CNTN3: variants seen among roughly 807,000 people sequenced by gnomAD.
CNTN3 encodes the protein contactin-3.
A neutral mutation model predicts 119.1 loss-of-function variants in CNTN3; 60 were observed. That is an observed-to-expected ratio of 0.50 (90% CI 0.41 to 0.62). CNTN3 has a LOEUF of 0.62. Among genes scored for constraint, CNTN3 ranks in the 20% least tolerant of loss-of-function variants. CNTN3 has a pLI of 0.00. For missense variants in CNTN3, 1,101 were observed against 1,242.4 expected (o/e 0.89, Z 1.71); for synonymous variants, 450 against 438.7 (o/e 1.03, Z -0.32).
At chr3:74,294,050 A>T (rs1230140779) in intron 19 of CNTN3, among the ~76,000 whole-genome samples, 5 of 152,178 alleles carry the variant, frequency 3.3e-5, no homozygotes, top group Admixed American at 1.3e-4. Context: ...ACCACCCTGG[A>T]ACCCTCATTT....
At chr3:74,587,788 C>A (rs1470715645) in intron 1 of CNTN3, among the ~76,000 whole-genome samples, 1 of 152,120 alleles carries the variant, frequency 6.6e-6, no homozygotes, top group Non-Finnish European at 1.5e-5. Context: ...CCCCTTATTT[C>A]CTTCTCCTGC....
intron 1 of CNTN3, among the ~76,000 whole-genome samples, chr3:74,530,062 A>T (rs1443831833): frequency 4.6e-5 from 7 of 152,010 alleles, no homozygotes; most frequent in Non-Finnish European, 7.4e-5. Flanking sequence ...TTGGGGAAAA[A>T]CTCAAATTCA....
chr3:74,416,079 A>G (rs115495688), intron 5 of CNTN3, among the ~76,000 whole-genome samples: 2,465 of 152,132 alleles, frequency 0.016, 67 homozygotes, highest in African/African-American at 0.057. Flanking sequence ...TTCCTCCTCA[A>G]CCACAGATAA....
intron 4 of CNTN3, among the ~76,000 whole-genome samples, chr3:74,431,196 C>A (rs1445609033): frequency 6.6e-6 from 1 of 152,138 alleles, no homozygotes; most frequent in Non-Finnish European, 1.5e-5. Flanking sequence ...TCTTCCCATG[C>A]AGTAGCAAGG....
At chr3:74,432,742 T>C (rs1701804982) in intron 4 of CNTN3, among the ~76,000 whole-genome samples, 2 of 152,192 alleles carry the variant, frequency 1.3e-5, no homozygotes, top group African/African-American at 4.8e-5. Flanking sequence ...CAAAACTCAA[T>C]CATTATTTTC....
rs140948998 is a variant in CNTN3, at chr3:74,305,171, A to G, written c.1669-2364T>C. 2.6e-5 allele frequency among the ~76,000 whole-genome samples: 4 copies of G among 152,342 alleles called. No homozygotes were observed. In the East Asian group the frequency reaches 7.7e-4, roughly 29 times the overall value. On this transcript the variant is annotated intron_variant, in intron 13 of 22. Transcript: ENST00000263665. ...ACATGTGAAACAAGTTATGTTTACA[A>G]ATTTAGAAAGTGTAATCCACAAAGG...
At chr3:74,269,760 C>G (rs937880222) in intron 20 of CNTN3, among the ~76,000 whole-genome samples, 1 of 152,026 alleles carries the variant, frequency 6.6e-6, no homozygotes, top group African/African-American at 2.4e-5. Flanking sequence ...AAGCCAGACA[C>G]CCAAAGACAA....
chr3:74,280,333 T>C (rs1245527167), intron 20 of CNTN3, among the ~76,000 whole-genome samples: 2 of 152,194 alleles, frequency 1.3e-5, no homozygotes, highest in East Asian at 3.8e-4. Flanking sequence ...TCCCCAAGTA[T>C]ACTCACACAT....
At chr3:74,391,745 C>A (rs1444833762) in intron 5 of CNTN3, among the ~76,000 whole-genome samples, 1 of 151,902 alleles carries the variant, frequency 6.6e-6, no homozygotes, top group Admixed American at 6.6e-5. Context: ...ATAACCTCCA[C>A]CTCCGGGGCT....
At chr3:74,384,081 G>A (rs1474484735) in intron 5 of CNTN3, among the ~76,000 whole-genome samples, 1 of 152,100 alleles carries the variant, frequency 6.6e-6, no homozygotes, top group Non-Finnish European at 1.5e-5. Context: ...AAATATGATG[G>A]TTCTATTTAC....
intron 13 of CNTN3, among the ~76,000 whole-genome samples, chr3:74,332,612 T>G (rs909469560): frequency 6.6e-6 from 1 of 152,236 alleles, no homozygotes; most frequent in South Asian, 2.1e-4. Context: ...TCTTAGTGTT[T>G]CTTTGTAACT....
In CNTN3 at chr3:74,378,006, A is replaced by T. The variant is rs184873695; in HGVS notation, c.455-6607T>A. Among the ~76,000 whole-genome samples, 366 of 152,350 alleles carry T rather than the reference A, an allele frequency of 2.4e-3. 1 individual carries two copies. The highest frequency in any genetic ancestry group is 3.8e-3 in the Non-Finnish European group (260 of 68,016). ...AATTCTGTCAAACAAAATTGCAGTT[A>T]GGCAAAATTTAAAAGTAACTTGGGC... is the stretch of plus-strand genomic sequence containing the variant. On this transcript the variant is annotated intron_variant, in intron 5 of 22. Coordinates refer to ENST00000263665, the MANE Select transcript of CNTN3 (RefSeq NM_020872.3).
chr3:74,352,159 T>G (rs929361373), intron 11 of CNTN3, among the ~76,000 whole-genome samples: 6 of 152,184 alleles, frequency 3.9e-5, no homozygotes, highest in African/African-American at 1.4e-4. Context: ...CTGACACAAC[T>G]GGAATAAAAG....
chr3:74,605,346 A>T lies in CNTN3; in HGVS notation c.-81+9045T>A, dbSNP rs76367932. Among the ~76,000 whole-genome samples, 51 of 152,312 alleles carry T rather than the reference A, an allele frequency of 3.3e-4. No homozygotes were observed. The East Asian group carries it at 9.3e-3, about 28-fold the overall frequency. On this transcript the variant is annotated intron_variant, in intron 1 of 22. Transcript: ENST00000263665. ...TATAATATGTTATTTAGCTCAATTT[A>T]TTCATTCTACAATGTGTACATATTT...
At chr3:74,563,679 T>C (rs1337153588) in intron 1 of CNTN3, among the ~76,000 whole-genome samples, 1 of 152,070 alleles carries the variant, frequency 6.6e-6, no homozygotes. Context: ...ACCCCAGATT[T>C]TGAATGGGAA....
At chr3:74,487,773 G>A (rs1232909934) in intron 3 of CNTN3, among the ~76,000 whole-genome samples, 1 of 151,854 alleles carries the variant, frequency 6.6e-6, no homozygotes, top group African/African-American at 2.4e-5. Context: ...AAATACAAGT[G>A]CATAAAGTTA....
chr3:74,489,637 C>A (rs6785177), intron 3 of CNTN3, among the ~76,000 whole-genome samples: 7 of 135,366 alleles, frequency 5.2e-5, no homozygotes, highest in South Asian at 5.3e-4. Flanking sequence ...CCCACCCCTC[C>A]GCCTAATCCC....
At chr3:74,606,904 C>T (rs1191285678) in intron 1 of CNTN3, among the ~76,000 whole-genome samples, 1 of 152,112 alleles carries the variant, frequency 6.6e-6, no homozygotes, top group Non-Finnish European at 1.5e-5. Flanking sequence ...AATGAAACAA[C>T]AGCGCAATAC....
chr3:74,347,675 T>C (rs1703726027), intron 11 of CNTN3, among the ~76,000 whole-genome samples: 1 of 152,228 alleles, frequency 6.6e-6, no homozygotes, highest in South Asian at 2.1e-4. Flanking sequence ...ACCATGTCTG[T>C]CTTATTCACT....
Sources: allele counts gnomAD v4.1 joint callset (sites outside exome capture counted in the v4.1 genomes callset), GRCh38; gene constraint gnomAD v4.1.1; transcripts MANE v1.5; gene names NCBI Gene and HGNC (gene_info 2026-07-23, HGNC 2026-07-21).